RYR2: variants seen among roughly 807,000 people sequenced by gnomAD.
RYR2 encodes ryanodine receptor 2.
A neutral mutation model predicts 601.1 loss-of-function variants in RYR2; 227 were observed. The observed-to-expected ratio is 0.38, with a 90% CI of 0.34 to 0.42. The LOEUF (loss-of-function observed/expected upper bound fraction) is 0.42. Ranked by LOEUF, RYR2 falls within the 10% of genes least tolerant of loss-of-function variation. The probability of loss-of-function intolerance (pLI) is 1.00; values close to 1 mark genes in which losing one functional copy is unlikely to be tolerated. For missense variants in RYR2, 4,646 were observed against 6,156.5 expected (o/e 0.75, Z 8.21); for synonymous variants, 2,223 against 2,175.1 (o/e 1.02, Z -0.61).
chr1:237,409,753 A>G (rs1704258339), intron 10 of RYR2, among the ~76,000 whole-genome samples: 1 of 152,142 alleles, frequency 6.6e-6, no homozygotes, highest in African/African-American at 2.4e-5. Context: ...TGCAGTAACT[A>G]AAATACATTG....
chr1:237,089,584 C>G (rs187810499), intron 1 of RYR2, among the ~76,000 whole-genome samples: 61 of 152,292 alleles, frequency 4.0e-4, no homozygotes, highest in African/African-American at 1.4e-3. Context: ...TTATTGCCAG[C>G]CTCCCTTGAG....
chr1:237,531,993 AT>A (rs1214011405), intron 25 of RYR2, among the ~76,000 whole-genome samples: 13 of 152,136 alleles, frequency 8.5e-5, no homozygotes, highest in Admixed American at 6.5e-5. Flanking sequence ...CTAATAATCA[AT>A]GTTTTATGCT....
chr1:237,600,898 A>G (rs1004736565), intron 34 of RYR2, among the ~76,000 whole-genome samples: 1 of 152,206 alleles, frequency 6.6e-6, no homozygotes, highest in African/African-American at 2.4e-5. Flanking sequence ...ATATTACCTT[A>G]TTCCAGTTAA....
chr1:237,631,613 ATTTTTTTTTTTTTTTTTTT>A (rs556269614), intron 42 of RYR2, 72 bp downstream of exon 42: 14 of 208,578 alleles, frequency 6.7e-5, no homozygotes, highest in African/African-American at 2.7e-4. Flanking sequence ...TAGAATGCAG[ATTTTTTTTTTTTTTTTTTT>A]TTTTTTTTTT....
chr1:237,355,635 T>G (rs1301661159), intron 3 of RYR2, among the ~76,000 whole-genome samples: 1 of 152,150 alleles, frequency 6.6e-6, no homozygotes, highest in African/African-American at 2.4e-5. Flanking sequence ...GAGTAGTAGT[T>G]CTTAAATCAG....
At chr1:237,248,956 G>A (rs1325876209) in intron 1 of RYR2, among the ~76,000 whole-genome samples, 4 of 151,936 alleles carry the variant, frequency 2.6e-5, no homozygotes, top group Non-Finnish European at 5.9e-5. Flanking sequence ...GTAGAGACGG[G>A]GTTTCTCCAT....
At chr1:237,317,065 T>C (rs1036844662) in intron 2 of RYR2, among the ~76,000 whole-genome samples, 1 of 152,224 alleles carries the variant, frequency 6.6e-6, no homozygotes, top group Non-Finnish European at 1.5e-5. Flanking sequence ...ATGATTGTGC[T>C]TCAAAGTAAA....
chr1:237,643,575 G>T (rs1681800776), intron 48 of RYR2, 128 bp downstream of exon 48: 7 of 871,764 alleles, frequency 8.0e-6, no homozygotes, highest in Non-Finnish European at 8.2e-6. Context: ...ACTTAAATTA[G>T]TTTTTTTAAA....
In RYR2 at chr1:237,806,217, C is replaced by T. The variant is rs777371415; in HGVS notation, c.14232C>T (p.Leu4744=). 7.4e-6 allele frequency: 12 copies of T among 1,613,244 alleles called. No individual in the cohort carries two copies. Among genetic ancestry groups the T allele is most frequent in the Non-Finnish European group, 1.0e-5 (12 of 1,179,264 alleles). The stretch of plus-strand genomic sequence containing the variant: ...ACTTTTTTTTTGCCGCTCACCTTCT[C>T]GACATTGCTATGGGATTCAAGACAT... The part of the protein sequence containing the change: ...YNNFFFAAHL[L]DIAMGFKTLR... Residue 4744 remains leucine, a synonymous_variant, in exon 99 of 105, where the codon CTC becomes CTT. Coordinates refer to ENST00000366574, the MANE Select transcript of RYR2 (RefSeq NM_001035.3).
At position 237,456,626 on chromosome 1, in the gene RYR2, C is replaced by T. The variant is rs1451394775; in HGVS notation, c.1503C>T (p.Cys501=). ...GAATGATCAACCTCGTGCTTGAGTG[C>T]ATAGACCGTTTGCACGTCTACAGCA... is the stretch of plus-strand genomic sequence containing the variant. ...EEGMINLVLE[C]IDRLHVYSSA... is the part of the protein sequence containing the mutation. Residue 501 remains cysteine (C), a synonymous_variant, in exon 16 of 105, where the codon TGC becomes TGT. Coordinates refer to ENST00000366574, the MANE Select transcript of RYR2 (RefSeq NM_001035.3). The T allele has an allele frequency of 6.2e-7, 1 of 1,603,520 alleles. No individual in the cohort carries two copies.
intron 41 of RYR2, among the ~76,000 whole-genome samples, chr1:237,628,535 A>G (rs963275943): frequency 4.6e-5 from 7 of 151,950 alleles, no homozygotes; most frequent in South Asian, 2.1e-4. Context: ...CCATGTCCCT[A>G]CAAAGGACAT....
At chr1:237,068,912 G>A (rs12084795) in intron 1 of RYR2, among the ~76,000 whole-genome samples, 2,885 of 152,174 alleles carry the variant, frequency 0.019, 87 homozygotes, top group African/African-American at 0.066. Context: ...TACATGTAAT[G>A]GTAACATTGC....
intron 3 of RYR2, among the ~76,000 whole-genome samples, chr1:237,346,295 G>A (rs919659438): frequency 1.3e-5 from 2 of 149,414 alleles, no homozygotes; most frequent in South Asian, 2.1e-4. Context: ...CTTGAGCCCG[G>A]GAGGTCAAAG....
chr1:237,820,758 C>T (rs1056697577), intron 101 of RYR2, among the ~76,000 whole-genome samples: 29 of 152,288 alleles, frequency 1.9e-4, no homozygotes, highest in East Asian at 9.7e-4. Context: ...GAGCCCAGCA[C>T]GCGAAGATCC....
chr1:237,527,324 T>G (rs1349997117), intron 24 of RYR2, among the ~76,000 whole-genome samples: 1 of 152,202 alleles, frequency 6.6e-6, no homozygotes, highest in East Asian at 1.9e-4. Flanking sequence ...AATTTAAATG[T>G]TAATCTCACC....
chr1:237,070,186 A>C (rs1205671239), intron 1 of RYR2, among the ~76,000 whole-genome samples: 2 of 151,938 alleles, frequency 1.3e-5, no homozygotes, highest in East Asian at 3.9e-4. Context: ...GTGAGCCACC[A>C]TGCCTGGACT....
At chr1:237,457,019 G>T (rs191042732) in intron 16 of RYR2, among the ~76,000 whole-genome samples, 8 of 152,250 alleles carry the variant, frequency 5.3e-5, no homozygotes, top group Non-Finnish European at 2.9e-5. Context: ...AATTTACTGT[G>T]CCAAATCAAA....
intron 5 of RYR2, among the ~76,000 whole-genome samples, chr1:237,365,900 TAAA>T (rs1268128565): frequency 2.0e-5 from 3 of 152,200 alleles, no homozygotes; most frequent in Non-Finnish European, 4.4e-5. Context: ...GTGGTATGCC[TAAA>T]ATAATTTAAT....
intron 3 of RYR2, among the ~76,000 whole-genome samples, chr1:237,331,877 A>G (rs1696783515): frequency 6.6e-6 from 1 of 151,938 alleles, no homozygotes; most frequent in Non-Finnish European, 1.5e-5. Context: ...TGGTTATTTT[A>G]TTTTCAATGA....
Sources: gnomAD v4.1 joint callset for allele counts (sites outside exome capture counted in the v4.1 genomes callset) on GRCh38, gnomAD v4.1.1 for gene constraint, MANE v1.5 for transcripts, NCBI Gene and HGNC (gene_info 2026-07-23, HGNC 2026-07-21) for gene names.